CIZ1: variants seen among roughly 807,000 people sequenced by gnomAD.
CIZ1 encodes the protein cip1-interacting zinc finger protein.
In CIZ1, 58 loss-of-function variants were observed where a neutral mutation model predicts 118.6. The ratio of observed to expected loss-of-function variants is 0.49; its 90% CI spans 0.40 to 0.61. The LOEUF is 0.61. Ranked by LOEUF, CIZ1 falls within the 20% of genes least tolerant of loss-of-function variation. The probability of loss-of-function intolerance (pLI) is 0.00; values close to 1 mark genes in which losing one functional copy is unlikely to be tolerated. For synonymous variants in CIZ1, 448 were observed against 443.4 expected (o/e 1.01, Z -0.13); for missense variants, 921 against 1,115.9 (o/e 0.83, Z 2.49).
intron 11 of CIZ1, among the ~76,000 whole-genome samples, chr9:128,174,300 G>A (rs1189946786): frequency 7.2e-5 from 11 of 152,224 alleles, no homozygotes; most frequent in Admixed American, 7.2e-4. Flanking sequence ...ACCACAATCA[G>A]ATTAACCAGC....
In CIZ1 at chr9:128,203,406, A is replaced by T; in HGVS notation, c.-6+780T>A. Reference sequence around the variant, plus strand: ...TCTGGGCGCGCGGCTGCAGCGGCGGAGCCGGAGTCGGAGCCGGGAGCGCTA... The same window carrying T: ...TCTGGGCGCGCGGCTGCAGCGGCGGTGCCGGAGTCGGAGCCGGGAGCGCTA... On this transcript the variant is annotated intron_variant, in intron 1 of 17. Transcript: ENST00000372948. The surrounding 1 kb of genome is among the most constrained non-coding windows in gnomAD (Gnocchi z 5.3). 3 of 1,343,158 alleles carry T rather than the reference A, an allele frequency of 2.2e-6. No individual in the cohort carries two copies. The highest frequency in any genetic ancestry group is 2.9e-6 in the Non-Finnish European group (3 of 1,045,928). 83.2% of individuals were successfully genotyped at this position (1,343,158 alleles called of 1,614,324 possible). A position where few individuals can be genotyped will look rare whatever the true frequency, so the allele number is the denominator to read the frequency against.
upstream of CIZ1, among the ~76,000 whole-genome samples, chr9:128,194,997 T>A (rs1249384249): frequency 2.6e-5 from 4 of 152,024 alleles, no homozygotes; most frequent in Admixed American, 6.6e-5. Flanking sequence ...TTTGTATTTT[T>A]TTTTTTAAAG....
In CIZ1 at chr9:128,178,886, G is replaced by C. The variant is rs564844686; in HGVS notation, c.1321C>G (p.Pro441Ala). The C allele has an allele frequency of 6.2e-7, 1 of 1,614,232 alleles. No individual in the cohort carries two copies. Among genetic ancestry groups the C allele is most frequent in the East Asian group, 2.2e-5 (1 of 44,886 alleles). Residue 441 changes from proline to alanine, a missense_variant, in exon 8 of 17, where the codon CCA becomes GCA. Transcript: ENST00000372938. ...TYPQVHTQAQ[P>A]SVQPQEHPPA... is the part of the protein sequence containing the mutation. ...GGATGCTCCTGTGGCTGGACGCTTGGCTGTGCCTGTGTGTGGACCTGTGGA... is the reference window on the plus strand; with the variant it reads ...GGATGCTCCTGTGGCTGGACGCTTGCCTGTGCCTGTGTGTGGACCTGTGGA...
intron 3 of CIZ1, among the ~76,000 whole-genome samples, chr9:128,189,892 TCTCCATATTGGGAAATTGAGACAAGGCCA>T (rs1358889630): frequency 7.4e-6 from 1 of 135,730 alleles, no homozygotes; most frequent in Non-Finnish European, 1.5e-5. Flanking sequence ...CTGAGACTGC[TCTCCATATTGGGAAATTGAGACAAGGCCA>T]CAGACTTAAT....
At chr9:128,177,074 G>A (rs1830953026) in intron 10 of CIZ1, among the ~76,000 whole-genome samples, 1 of 152,126 alleles carries the variant, frequency 6.6e-6, no homozygotes, top group Admixed American at 6.5e-5. Flanking sequence ...ATTTTTAGTA[G>A]AGACGGGGTT....
rs1379699630 is a variant in CIZ1 at position 128,177,641 on chromosome 9, C to T, written c.1743G>A (p.Ala581=). The T allele has an allele frequency of 6.3e-6, 10 of 1,583,988 alleles. No individual in the cohort carries two copies. Among genetic ancestry groups the T allele is most frequent in the East Asian group, 2.3e-5 (1 of 43,402 alleles). ...RPSDSVSSTP[A]ATSTPSKQAL... ...CCTGCTTAGAGGGAGTGCTGGTAGCCGCAGGGGTGGAGGAGACGGAGTCAC... is the reference window on the plus strand; with the variant it reads ...CCTGCTTAGAGGGAGTGCTGGTAGCTGCAGGGGTGGAGGAGACGGAGTCAC... Residue 581 remains alanine (A), a synonymous_variant, in exon 10 of 17, where the codon GCG becomes GCA. Coordinates refer to ENST00000372938, the MANE Select transcript of CIZ1 (RefSeq NM_001131016.2).
chr9:128,177,710 G>C lies in CIZ1; in HGVS notation c.1674C>G (p.Ser558Arg). 6.2e-7 allele frequency: 1 copy of C among 1,607,410 alleles called. No individual in the cohort carries two copies. The highest frequency in any genetic ancestry group is 8.5e-7 in the Non-Finnish European group (1 of 1,177,120). The change falls in exon 10 of 17, where the codon AGC becomes AGG. Residue 558 changes from serine (S) to arginine (R), a missense_variant. By Grantham distance (110) the Ser-to-Arg change is moderately radical. Coordinates refer to ENST00000372938, the MANE Select transcript of CIZ1 (RefSeq NM_001131016.2). The part of the protein sequence containing the change: ...LKVTILQSSD[S>R]RAFSTVPLTP... The stretch of plus-strand genomic sequence containing the variant: ...TCAGGGGTACAGTGCTAAAGGCCCG[G>C]CTGTCACTGCTCTGCAGAATGGTGA...
In CIZ1 at chr9:128,180,454, G is replaced by C. The variant is rs569220425; in HGVS notation, c.752C>G (p.Pro251Arg). ...EKRTPAPEPE[P>R]CEASELPAKR... ...TGCTGGCAGCTCGGACGCCTCACAA[G>C]GCTCAGGCTCAGGTGCTGGAGTGCG... The change falls in exon 7 of 17, where the codon CCT (proline) becomes CGT (arginine). Residue 251 changes from proline (P) to arginine (R), a missense_variant. Pro to Arg is a moderately radical substitution (Grantham distance 103, BLOSUM62 -2). Coordinates refer to ENST00000372938, the MANE Select transcript of CIZ1 (RefSeq NM_001131016.2). The C allele has an allele frequency of 1.2e-6, 2 of 1,614,132 alleles. No individual in the cohort carries two copies. Among genetic ancestry groups the C allele is most frequent in the African/African-American group, 2.7e-5 (2 of 75,034 alleles).
At chr9:128,198,830 C>T (rs1212619128) in intron 1 of CIZ1, among the ~76,000 whole-genome samples, 1 of 142,030 alleles carries the variant, frequency 7.0e-6, no homozygotes, top group African/African-American at 2.6e-5. Flanking sequence ...GACTCCATCT[C>T]AAAAAAACAA....
intron 5 of CIZ1, among the ~76,000 whole-genome samples, chr9:128,183,828 C>T (rs920174853): frequency 9.2e-5 from 14 of 152,084 alleles, no homozygotes; most frequent in South Asian, 2.1e-4. Context: ...TGCAATGGCA[C>T]GATCTTGGCT....
At chr9:128,169,640 G>C (rs539223689) in intron 12 of CIZ1, 121 bp from the exon 13 acceptor site, 27 of 1,546,318 alleles carry the variant, frequency 1.7e-5, no homozygotes, top group Non-Finnish European at 2.3e-5. Context: ...GTAACAAGCC[G>C]GGCTGTGCTC....
chr9:128,168,244 G>T (rs921103946), intron 14 of CIZ1, among the ~76,000 whole-genome samples: 1 of 152,220 alleles, frequency 6.6e-6, no homozygotes, highest in Admixed American at 6.5e-5. Flanking sequence ...GGCTGGGCAT[G>T]GTGGCTCACG....
chr9:128,194,362 C>CAAAAA (rs757286334), upstream of CIZ1, among the ~76,000 whole-genome samples: 3 of 74,128 alleles, frequency 4.0e-5, no homozygotes, highest in Non-Finnish European at 5.4e-5. Context: ...AACTCCATCT[C>CAAAAA]AAAAAAAAAA....
chr9:128,180,041 C>G (rs920599556), intron 7 of CIZ1, among the ~76,000 whole-genome samples: 9 of 152,174 alleles, frequency 5.9e-5, no homozygotes, highest in African/African-American at 2.2e-4. Context: ...CTTTGGCTGT[C>G]TAGGCCTCAG....
chr9:128,169,918 G>C, intron 12 of CIZ1, 102 bp downstream of exon 12: 1 of 1,160,102 alleles, frequency 8.6e-7, no homozygotes, highest in Non-Finnish European at 1.2e-6. Context: ...GGGTGTGCAG[G>C]GGCAAAGAGG....
At chr9:128,190,266 G>T in intron 3 of CIZ1, 63 bp downstream of exon 3, 1 of 1,152,412 alleles carries the variant, frequency 8.7e-7, no homozygotes, top group Non-Finnish European at 1.3e-6. Flanking sequence ...GAGATTTAGA[G>T]CAATGCGCTG....
In CIZ1 at chr9:128,166,751, C is replaced by T. The variant is rs41276232; in HGVS notation, c.2487+8G>A. ...CCAGGGGAGGACAGGGCAGGATGTC[C>T]GGCTCACCTGCAGGTTCTCAAAGTG... On this transcript the variant is annotated splice_region_variant and intron_variant, in intron 16 of 16. Transcript: ENST00000372938. This position sits in a 1 kb window ranked among gnomAD's most constrained non-coding sequence, Gnocchi z 4.4. 2.7e-5 allele frequency: 43 copies of T among 1,614,136 alleles called. No individual in the cohort carries two copies. Among genetic ancestry groups the T allele is most frequent in the South Asian group, 2.3e-4 (21 of 91,064 alleles).
upstream of CIZ1, chr9:128,191,916 G>A: frequency 3.5e-6 from 5 of 1,437,500 alleles, no homozygotes; most frequent in South Asian, 2.7e-5. The surrounding 1 kb of genome is among the most constrained non-coding windows in gnomAD (Gnocchi z 5.5). Context: ...GGTGAGAGGG[G>A]GCGCGCAGTT....
At chr9:128,167,191 G>C in intron 14 of CIZ1, 27 bp from the exon 15 acceptor site, 1 of 1,533,558 alleles carries the variant, frequency 6.5e-7, no homozygotes. Flanking sequence ...GTGGGCCTCG[G>C]ATCTGGCTTC....
Sources: allele counts gnomAD v4.1 joint callset (sites outside exome capture counted in the v4.1 genomes callset), GRCh38; gene constraint gnomAD v4.1.1; non-coding constraint Gnocchi (gnomAD v3.1); transcripts MANE v1.5; gene names NCBI Gene and HGNC (gene_info 2026-07-23, HGNC 2026-07-21).